Variants in BLTP1 observed in about 807,000 individuals in gnomAD.
The protein encoded by BLTP1 is bridge-like lipid transfer protein family member 1.
the BLTP1 span, chr4:122,286,397 C>G: frequency 7.1e-7 from 1 of 1,408,216 alleles, no homozygotes; most frequent in Non-Finnish European, 9.4e-7. Flanking sequence ...ATTTTATAAG[C>G]AACTTTAAAA....
chr4:122,340,898 CA>C, the BLTP1 span: 1 of 872,700 alleles, frequency 1.1e-6, no homozygotes, highest in Non-Finnish European at 1.4e-6. Context: ...CTAGTGTTGT[CA>C]GCGATAACAC....
At chr4:122,319,350 C>G in the BLTP1 span, among the ~76,000 whole-genome samples, 1 of 151,638 alleles carries the variant, frequency 6.6e-6, no homozygotes. Context: ...GCATTCAGTT[C>G]TATAAATTAT....
At chr4:122,209,092 C>A in the BLTP1 span, 1 of 1,420,200 alleles carries the variant, frequency 7.0e-7, no homozygotes, top group Non-Finnish European at 9.2e-7. Flanking sequence ...CAGGTTTGCC[C>A]GTAAGTATTA....
the BLTP1 span, chr4:122,287,449 A>T: frequency 3.7e-6 from 1 of 271,118 alleles, no homozygotes; most frequent in African/African-American, 2.3e-5. Flanking sequence ...GGAGAAGTAA[A>T]CACCTTTCCT....
chr4:122,255,109 T>A, the BLTP1 span: 1 of 1,590,050 alleles, frequency 6.3e-7, no homozygotes, highest in Non-Finnish European at 8.6e-7. Flanking sequence ...ACTCTAAATC[T>A]ATTGTTGTTT....
At chr4:122,293,209 C>G in the BLTP1 span, 3 of 977,990 alleles carry the variant, frequency 3.1e-6, no homozygotes, top group South Asian at 1.4e-4. Flanking sequence ...CATATTTATA[C>G]TATGAAATAA....
chr4:122,331,519 C>A, the BLTP1 span: 1 of 1,610,888 alleles, frequency 6.2e-7, no homozygotes, highest in Non-Finnish European at 8.5e-7. Context: ...TCTACAAGAA[C>A]ATGATGATAT....
At chr4:122,172,770 C>T in the BLTP1 span, among the ~76,000 whole-genome samples, 1 of 151,972 alleles carries the variant, frequency 6.6e-6, no homozygotes, top group Non-Finnish European at 1.5e-5. Flanking sequence ...TTCTCCCAGG[C>T]CATATTTTTT....
the BLTP1 span, chr4:122,246,087 G>T: frequency 6.9e-7 from 1 of 1,459,580 alleles, no homozygotes; most frequent in South Asian, 1.6e-5. Flanking sequence ...TAAGTGAGTT[G>T]CTGTTGTGGA....
chr4:122,262,728 T>C, the BLTP1 span: 4 of 1,525,496 alleles, frequency 2.6e-6, no homozygotes, highest in African/African-American at 1.4e-5. Flanking sequence ...CATTTTTATA[T>C]ACATAAGAAA....
the BLTP1 span, chr4:122,240,331 A>G: frequency 6.2e-7 from 1 of 1,613,728 alleles, no homozygotes; most frequent in South Asian, 1.1e-5. Flanking sequence ...TCATTTGAAC[A>G]GCTTTCTGTT....
chr4:122,325,464 C>T, the BLTP1 span: 1 of 1,365,758 alleles, frequency 7.3e-7, no homozygotes, highest in Non-Finnish European at 9.5e-7. Context: ...TGCATATTAC[C>T]AAGTAGTGGG....
chr4:122,182,997 A>G, the BLTP1 span: 1 of 985,092 alleles, frequency 1.0e-6, no homozygotes, highest in Non-Finnish European at 1.2e-6. Flanking sequence ...TTTTAATGAG[A>G]TGTAATATTT....
At chr4:122,178,568 A>G in the BLTP1 span, among the ~76,000 whole-genome samples, 2 of 152,244 alleles carry the variant, frequency 1.3e-5, no homozygotes, top group Non-Finnish European at 2.9e-5. Flanking sequence ...TGGAGACGCC[A>G]AGGCATAAAG....
At chr4:122,228,738 GGA>G in the BLTP1 span, among the ~76,000 whole-genome samples, 1 of 152,126 alleles carries the variant, frequency 6.6e-6, no homozygotes, top group Non-Finnish European at 1.5e-5. Context: ...CTGTGCGTAT[GGA>G]GTACCTGTAA....
chr4:122,197,660 G>A, the BLTP1 span, among the ~76,000 whole-genome samples: 1 of 152,144 alleles, frequency 6.6e-6, no homozygotes, highest in East Asian at 1.9e-4. Context: ...TTGGATGACT[G>A]CAAGGCTTTG....
At chr4:122,248,929 A>T in the BLTP1 span, 2 of 212,656 alleles carry the variant, frequency 9.4e-6, no homozygotes, top group East Asian at 3.7e-4. Context: ...CATTAGCAAT[A>T]ATCAGAGAGA....
At chr4:122,169,525 G>T in the BLTP1 span, 1 of 578,910 alleles carries the variant, frequency 1.7e-6, no homozygotes, top group Non-Finnish European at 2.2e-6. Context: ...TTTTGTTATC[G>T]GTAGGTTGGG....
the BLTP1 span, among the ~76,000 whole-genome samples, chr4:122,268,783 A>G: frequency 6.6e-6 from 1 of 152,202 alleles, no homozygotes; most frequent in Non-Finnish European, 1.5e-5. Flanking sequence ...ACAAGTAACT[A>G]CATATTGTGC....
Sources: allele counts gnomAD v4.1 joint callset (sites outside exome capture counted in the v4.1 genomes callset), GRCh38; gene constraint gnomAD v4.1.1; transcripts MANE v1.5; gene names NCBI Gene and HGNC (gene_info 2026-07-23, HGNC 2026-07-21).